Variants in PM20D2 observed in about 807,000 individuals in gnomAD.
PM20D2 encodes peptidase M20 domain containing 2.
A neutral mutation model predicts 42.9 loss-of-function variants in PM20D2; 33 were observed. The ratio of observed to expected loss-of-function variants is 0.77; its 90% CI spans 0.58 to 1.03. The LOEUF (loss-of-function observed/expected upper bound fraction) is 1.03, where lower values mean the gene tolerates loss of function less well. Among genes scored for constraint, PM20D2 ranks in the 50% least tolerant of loss-of-function variants. The pLI, the probability that PM20D2 is intolerant of heterozygous loss-of-function variation, is 0.00. For missense variants in PM20D2, 548 were observed against 557.0 expected (o/e 0.98, Z 0.16); for synonymous variants, 250 against 228.2 (o/e 1.10, Z -0.86).
At chr6:89,116,368 T>C in the PM20D2 span, among the ~76,000 whole-genome samples, 1 of 152,354 alleles carries the variant, frequency 6.6e-6, no homozygotes, top group South Asian at 2.1e-4. Flanking sequence ...TTCTATGTAA[T>C]ATATTGATAA....
chr6:89,146,292 G>A lies in PM20D2; in HGVS notation c.148G>A (p.Glu50Lys), dbSNP rs1374357422. The change falls in exon 1 of 7, where the codon GAG becomes AAG. Residue 50 changes from glutamate to lysine, a missense_variant. Glu to Lys is a moderately conservative substitution (Grantham distance 56). Around this residue, in one of 3 missense-constraint regions of PM20D2, gnomAD observed 470 missense variants for 464.4 expected, o/e 1.01. Coordinates refer to ENST00000275072, the MANE Select transcript of PM20D2 (RefSeq NM_001010853.3). ...ALSRAIWSQPELAYEEHHAHR... is the reference protein window; with the variant it reads ...ALSRAIWSQPKLAYEEHHAHR... ...GAGCCGCGCGATCTGGAGCCAGCCC[G>A]AGCTGGCCTACGAGGAGCACCATGC... 6.3e-7 allele frequency: 1 copy of A among 1,581,578 alleles called. No individual in the cohort carries two copies.
At chr6:89,149,224 G>A (rs774951832) in intron 1 of PM20D2, 41 bp from the exon 2 acceptor site, 4 of 1,600,690 alleles carry the variant, frequency 2.5e-6, no homozygotes, top group Non-Finnish European at 3.4e-6. Flanking sequence ...ATTCCTATGA[G>A]GATTTTGTTG....
intron 1 of PM20D2, among the ~76,000 whole-genome samples, chr6:89,146,978 A>G (rs1445874915): frequency 6.6e-6 from 1 of 152,216 alleles, no homozygotes; most frequent in African/African-American, 2.4e-5. Context: ...TGTGCCATCA[A>G]TCTCAGGAGG....
chr6:89,115,009 G>T, the PM20D2 span, among the ~76,000 whole-genome samples: 1 of 152,076 alleles, frequency 6.6e-6, no homozygotes, highest in Non-Finnish European at 1.5e-5. Flanking sequence ...TGTTGGCCAG[G>T]CTGGTCTCAA....
At chr6:89,134,153 GAC>G in the PM20D2 span, among the ~76,000 whole-genome samples, 1 of 151,116 alleles carries the variant, frequency 6.6e-6, no homozygotes, top group Non-Finnish European at 1.5e-5. Flanking sequence ...CACATTAAAT[GAC>G]AAAGGCTTTG....
chr6:89,154,648 T>A, intron 3 of PM20D2, 100 bp from the exon 4 acceptor site: 1 of 856,506 alleles, frequency 1.2e-6, no homozygotes, highest in Non-Finnish European at 1.7e-6. Flanking sequence ...TTTAAATTAT[T>A]TTTCTTTATG....
At chr6:89,149,670 T>C (rs2127775386) in intron 2 of PM20D2, among the ~76,000 whole-genome samples, 1 of 152,302 alleles carries the variant, frequency 6.6e-6, no homozygotes, top group South Asian at 2.1e-4. Context: ...ACAATTAAGT[T>C]CTCTTTTGAA....
At chr6:89,116,101 C>A in the PM20D2 span, among the ~76,000 whole-genome samples, 20 of 152,186 alleles carry the variant, frequency 1.3e-4, no homozygotes, top group African/African-American at 4.6e-4. Context: ...GATGCTGCAC[C>A]TTTTAGATGG....
the PM20D2 span, chr6:89,106,862 C>A: frequency 2.4e-6 from 1 of 417,280 alleles, no homozygotes. Context: ...AAAGACTTCC[C>A]CTCTTCCAGG....
At chr6:89,098,521 A>T in the PM20D2 span, 1 of 1,516,436 alleles carries the variant, frequency 6.6e-7, no homozygotes, top group Non-Finnish European at 8.8e-7. Flanking sequence ...TTTATTTAAC[A>T]TAATGAGAGT....
intron 3 of PM20D2, among the ~76,000 whole-genome samples, chr6:89,153,929 T>C (rs1457476232): frequency 6.6e-6 from 1 of 152,168 alleles, no homozygotes; most frequent in African/African-American, 2.4e-5. Flanking sequence ...AAATTATATA[T>C]ATATATCACC....
the PM20D2 span, among the ~76,000 whole-genome samples, chr6:89,112,262 TTC>T: frequency 1.1e-4 from 16 of 152,306 alleles, no homozygotes; most frequent in South Asian, 3.3e-3. Flanking sequence ...TCAATTTCAT[TTC>T]TGTCAAATTT....
chr6:89,146,156 AG>A lies in PM20D2; in HGVS notation c.16del (p.Glu6SerfsTer18). On this transcript the variant is annotated frameshift_variant, in exon 1 of 7. Transcript: ENST00000275072. LOFTEE classifies it high-confidence loss of function. ...CGGGCTTGGGCAGCATGAGGCCCGG[AG>A]GGGAGCGGCCCGTGGAAGGGGGCGC... Reference protein sequence around the residue: MRPGGERPVEGGACN... With the variant: MRPGXERPVEGGACN... 6.6e-7 allele frequency: 1 copy of A among 1,504,602 alleles called. No homozygotes were observed. Among genetic ancestry groups the A allele is most frequent in the African/African-American group, 1.4e-5 (1 of 69,598 alleles). 93.2% of individuals were successfully genotyped at this position (1,504,602 alleles called of 1,614,324 possible).
intron 4 of PM20D2, among the ~76,000 whole-genome samples, chr6:89,156,809 T>A (rs1315476501): frequency 5.9e-5 from 9 of 152,180 alleles, no homozygotes; most frequent in Non-Finnish European, 1.2e-4. Context: ...TCGTGTTGTG[T>A]TGTAGTTAAT....
At chr6:89,133,035 C>A in the PM20D2 span, among the ~76,000 whole-genome samples, 4 of 150,628 alleles carry the variant, frequency 2.7e-5, 1 homozygote, top group African/African-American at 1.0e-4. Context: ...CCAGCTTAGG[C>A]AACATAGTGA....
At chr6:89,099,091 ATGCT>A in the PM20D2 span, 1 of 1,085,104 alleles carries the variant, frequency 9.2e-7, no homozygotes, top group Non-Finnish European at 1.3e-6. Flanking sequence ...TTTATTATGC[ATGCT>A]TTTGGTTCAA....
At chr6:89,108,690 G>A in the PM20D2 span, among the ~76,000 whole-genome samples, 2 of 152,134 alleles carry the variant, frequency 1.3e-5, no homozygotes, top group Non-Finnish European at 2.9e-5. Flanking sequence ...GAAGAAAAGA[G>A]GCAAAAGAAG....
chr6:89,148,670 G>C, intron 1 of PM20D2: 1 of 656,166 alleles, frequency 1.5e-6, no homozygotes, highest in Non-Finnish European at 1.9e-6. Flanking sequence ...TTTTAAAATA[G>C]GTAGCCCAGT....
At chr6:89,154,289 T>G (rs1037513043) in intron 3 of PM20D2, among the ~76,000 whole-genome samples, 10 of 152,146 alleles carry the variant, frequency 6.6e-5, no homozygotes, top group African/African-American at 2.4e-4. Flanking sequence ...CCTGCATTGG[T>G]TTTTTTCTTG....
Sources: gnomAD v4.1 joint callset for allele counts (sites outside exome capture counted in the v4.1 genomes callset) on GRCh38, gnomAD v4.1.1 for gene constraint, gnomAD v4.1.1 regional missense constraint, MANE v1.5 for transcripts, NCBI Gene and HGNC (gene_info 2026-07-23, HGNC 2026-07-21) for gene names.